Variants in CDH11 observed in about 807,000 individuals in gnomAD.
CDH11 encodes the protein cadherin 11, also known as cadherin-11.
A neutral mutation model predicts 67.8 loss-of-function variants in CDH11; 11 were observed. The observed-to-expected ratio is 0.16, with a 90% CI of 0.10 to 0.27. The LOEUF is 0.27. Among genes scored for constraint, CDH11 ranks in the 10% least tolerant of loss-of-function variants. The pLI, the probability that CDH11 is intolerant of heterozygous loss-of-function variation, is 1.00. For missense variants in CDH11, 847 were observed against 1,031.2 expected, an observed-to-expected ratio of 0.82 and a Z score of 2.45; for synonymous variants, 419 against 400.0, an observed-to-expected ratio of 1.05 and a Z score of -0.57.
chr16:64,980,748 GT>G (rs1261553279), intron 8 of CDH11, among the ~76,000 whole-genome samples: 3 of 152,178 alleles, frequency 2.0e-5, no homozygotes, highest in Admixed American at 1.3e-4. Context: ...AAGATGTGAT[GT>G]TTGGATGTGC....
intron 1 of CDH11, among the ~76,000 whole-genome samples, chr16:65,085,424 G>T (rs1001865177): frequency 6.6e-6 from 1 of 152,158 alleles, no homozygotes; most frequent in Non-Finnish European, 1.5e-5. Context: ...TACCTACCTC[G>T]TGGAATCACT....
intron 1 of CDH11, among the ~76,000 whole-genome samples, chr16:65,103,947 T>A (rs929211314): frequency 6.6e-6 from 1 of 152,170 alleles, no homozygotes; most frequent in East Asian, 1.9e-4. Context: ...CCTATTTCCC[T>A]TTTACTTTTT....
At position 64,983,494 on chromosome 16, in the gene CDH11, C is replaced by A. The variant is rs75450116; in HGVS notation, c.1000-1193G>T. Among the ~76,000 whole-genome samples the A allele has an allele frequency of 2.4e-3, 371 of 152,282 alleles. 1 individual carries two copies. Among genetic ancestry groups the A allele is most frequent in the African/African-American group, 8.5e-3 (355 of 41,548 alleles). ...TGCCATGCTGTTGTCATTTGCCTGG[C>A]AAACGCTTATTCTGAATGGGCATAT... On this transcript the variant is annotated intron_variant, in intron 7 of 12. Transcript: ENST00000268603.
chr16:65,036,756 G>C (rs993563012), intron 2 of CDH11, among the ~76,000 whole-genome samples: 2 of 152,062 alleles, frequency 1.3e-5, no homozygotes, highest in African/African-American at 2.4e-5. Flanking sequence ...AGCCAAGGTG[G>C]TATCATAGGT....
intron 2 of CDH11, among the ~76,000 whole-genome samples, chr16:65,053,216 G>T (rs187454038): frequency 6.6e-6 from 1 of 152,278 alleles, no homozygotes; most frequent in East Asian, 1.9e-4. Context: ...TGGATTCGTA[G>T]AATCCTAAAA....
At chr16:64,954,777 C>A (rs1210732912) in intron 11 of CDH11, among the ~76,000 whole-genome samples, 2 of 152,038 alleles carry the variant, frequency 1.3e-5, no homozygotes, top group Non-Finnish European at 1.5e-5. Flanking sequence ...CACGGCCTGT[C>A]CTTCTTGTGA....
At chr16:64,950,312 C>T (rs1029444185) in intron 12 of CDH11, among the ~76,000 whole-genome samples, 2 of 152,078 alleles carry the variant, frequency 1.3e-5, no homozygotes, top group Admixed American at 6.5e-5. Flanking sequence ...TTCCAGTTCC[C>T]GAGTCCTTCC....
In CDH11 at chr16:65,008,012, A is replaced by G. The variant is rs369963375; in HGVS notation, c.-172-2971T>C. ...ATCCTTGCCCATCTTGCACCATGCC[A>G]AGTATTAAATGCTCATTCACAGAGT... On this transcript the variant is annotated intron_variant, in intron 2 of 12. Coordinates refer to ENST00000268603, the MANE Select transcript of CDH11 (RefSeq NM_001797.4). Among the ~76,000 whole-genome samples the G allele has an allele frequency of 2.0e-5, 3 of 152,256 alleles. No homozygotes were observed. In the East Asian group the frequency reaches 5.8e-4, roughly 29 times the overall value.
chr16:65,057,937 A>G (rs2074173237), intron 1 of CDH11, among the ~76,000 whole-genome samples: 2 of 152,294 alleles, frequency 1.3e-5, no homozygotes, highest in East Asian at 3.9e-4. Context: ...ACTTTTTGGT[A>G]AAAACACACT....
intron 1 of CDH11, among the ~76,000 whole-genome samples, chr16:65,101,478 T>A (rs2074990827): frequency 6.6e-6 from 1 of 152,208 alleles, no homozygotes; most frequent in Non-Finnish European, 1.5e-5. Flanking sequence ...GATACTAATA[T>A]CTTGCCCTAC....
intron 2 of CDH11, among the ~76,000 whole-genome samples, chr16:65,045,995 T>A (rs927672491): frequency 4.6e-5 from 7 of 152,172 alleles, no homozygotes; most frequent in African/African-American, 1.4e-4. Flanking sequence ...AGCACATGAC[T>A]ACAAAATCAT....
At chr16:65,060,693 C>G (rs1336106625) in intron 1 of CDH11, among the ~76,000 whole-genome samples, 1 of 152,084 alleles carries the variant, frequency 6.6e-6, no homozygotes, top group Non-Finnish European at 1.5e-5. Context: ...TTATTTGTCT[C>G]CTTGTCATGT....
At position 64,947,869 on chromosome 16, in the gene CDH11, G is replaced by A. The variant is rs1481669427; in HGVS notation, c.2125C>T (p.Arg709Trp). ...ACATCCACGCTGTTGGGCGCTGGCC[G>A]GAGCCCAGGTCTAGGCATGTACTGA... is the stretch of plus-strand genomic sequence containing the variant. ...EYQYMPRPGL[R>W]PAPNSVDVDD... Residue 709 changes from arginine to tryptophan, a missense_variant, in exon 13 of 13, where the codon CGG becomes TGG. Transcript: ENST00000268603. 5 of 1,614,134 alleles carry A rather than the reference G, an allele frequency of 3.1e-6. No homozygotes were observed. The highest frequency in any genetic ancestry group is 2.2e-5 in the East Asian group (1 of 44,862).
rs779292314 is a variant in CDH11, at chr16:65,053,929, C to T, written c.-297-1G>A. On this transcript the variant is annotated splice_acceptor_variant, in intron 1 of 12. Transcript: ENST00000268603. LOFTEE classifies it low-confidence loss of function (5UTR_SPLICE). ...CGCTGAGCTGAAAACACAGTGATTT[C>T]TGCAAAAAGTGAAAGGATCATTAGT... 2.2e-6 allele frequency: 1 copy of T among 455,624 alleles called. No individual in the cohort carries two copies. Among genetic ancestry groups the T allele is most frequent in the South Asian group, 1.6e-5 (1 of 64,510 alleles). The allele number at this position is 455,624 out of a possible 1,614,324, so 28.2% of individuals were successfully genotyped here.
At chr16:65,034,409 AG>A (rs1277757933) in intron 2 of CDH11, among the ~76,000 whole-genome samples, 2 of 152,218 alleles carry the variant, frequency 1.3e-5, no homozygotes, top group Admixed American at 1.3e-4. Context: ...GAGTGGACTA[AG>A]ATAGATGGAA....
Position 64,988,180 on chromosome 16 carries a change from C to T in CDH11, c.976G>A (p.Glu326Lys), listed in dbSNP as rs1193938634. 6.2e-7 allele frequency: 1 copy of T among 1,611,292 alleles called. No individual in the cohort carries two copies. The highest frequency in any genetic ancestry group is 1.7e-5 in the Admixed American group (1 of 59,706). Residue 326 changes from glutamate to lysine, a missense_variant, in exon 7 of 13, where the codon GAG becomes AAG. By Grantham distance (56) the Glu-to-Lys change is moderately conservative. Around this residue, in one of 2 missense-constraint regions of CDH11, gnomAD observed 612 missense variants for 678.7 expected, o/e 0.90. Coordinates refer to ENST00000268603, the MANE Select transcript of CDH11 (RefSeq NM_001797.4). ...ACCTTTTTCAGCTTTATCACCCCCTCCTGTGTTTCATAGTCCGTTGTGATT... is the reference window on the plus strand; with the variant it reads ...ACCTTTTTCAGCTTTATCACCCCCTTCTGTGTTTCATAGTCCGTTGTGATT... Reference protein sequence around the residue: ...FEITTDYETQEGVIKLKKPVD... With the variant: ...FEITTDYETQKGVIKLKKPVD...
chr16:65,052,923 G>A (rs1008843001), intron 2 of CDH11, among the ~76,000 whole-genome samples: 4 of 152,150 alleles, frequency 2.6e-5, no homozygotes, highest in Non-Finnish European at 4.4e-5. Flanking sequence ...GAGGTGAGGG[G>A]TTGAGAGGCT....
chr16:64,969,770 T>C (rs1479250092), intron 11 of CDH11, among the ~76,000 whole-genome samples: 1 of 151,240 alleles, frequency 6.6e-6, no homozygotes, highest in South Asian at 2.1e-4. Context: ...CCCTGTTCAA[T>C]TCAGCTCAGT....
chr16:64,971,183 G>A (rs2071994272), intron 11 of CDH11, among the ~76,000 whole-genome samples: 1 of 152,144 alleles, frequency 6.6e-6, no homozygotes, highest in African/African-American at 2.4e-5. Context: ...AAGGCCAGCT[G>A]AAAGATTAAA....
Sources: gnomAD v4.1 joint callset for allele counts (sites outside exome capture counted in the v4.1 genomes callset) on GRCh38, gnomAD v4.1.1 for gene constraint, gnomAD v4.1.1 regional missense constraint, MANE v1.5 for transcripts, NCBI Gene and HGNC (gene_info 2026-07-23, HGNC 2026-07-21) for gene names.